Variants in EPC2 observed in about 807,000 individuals in gnomAD.
The protein encoded by EPC2 is enhancer of polycomb 2.
In EPC2, 14 loss-of-function variants were observed where a neutral mutation model predicts 92.1. The ratio of observed to expected loss-of-function variants is 0.15; its 90% CI spans 0.10 to 0.24. The LOEUF is 0.24. EPC2 is among the 10% of genes least tolerant of loss of function. The pLI is 1.00. For synonymous variants in EPC2, 340 were observed against 334.7 expected, an observed-to-expected ratio of 1.02 and a Z score of -0.17; for missense variants, 755 against 971.5, an observed-to-expected ratio of 0.78 and a Z score of 2.96.
intron 12 of EPC2, 54 bp downstream of exon 12, chr2:148,783,810 T>G (rs894970954): frequency 1.3e-6 from 2 of 1,516,982 alleles, no homozygotes; most frequent in Non-Finnish European, 1.8e-6. Context: ...AACTCAGTGA[T>G]TGGGAGTTTG....
At chr2:148,768,566 T>G (rs1683458778) in intron 7 of EPC2, among the ~76,000 whole-genome samples, 1 of 152,232 alleles carries the variant, frequency 6.6e-6, no homozygotes, top group Non-Finnish European at 1.5e-5. Flanking sequence ...AGCAAGTCAT[T>G]TCTCTTCTTC....
chr2:148,698,294 C>G (rs1001705982), intron 2 of EPC2, among the ~76,000 whole-genome samples: 1 of 152,134 alleles, frequency 6.6e-6, no homozygotes, highest in Admixed American at 6.5e-5. Flanking sequence ...CCACCGCCCC[C>G]TCTAAAATTG....
chr2:148,761,966 C>G, intron 5 of EPC2, 36 bp downstream of exon 5: 1 of 1,524,446 alleles, frequency 6.6e-7, no homozygotes, highest in Non-Finnish European at 8.7e-7. Context: ...AAAATGACAA[C>G]TTTACCAAAT....
chr2:148,770,576 T>C lies in EPC2; in HGVS notation c.1231-216T>C, dbSNP rs536017119. Among the ~76,000 whole-genome samples the C allele has an allele frequency of 8.5e-5, 13 of 152,326 alleles. No homozygotes were observed. The South Asian group carries it at 2.7e-3, about 32-fold the overall frequency. On this transcript the variant is annotated intron_variant, in intron 8 of 13. Coordinates refer to ENST00000258484, the MANE Select transcript of EPC2 (RefSeq NM_015630.4). ...AATGAATTTATATTTACAAACTAAA[T>C]TCAGTTTTGGTAATCTTGGTGAGTG... is the stretch of plus-strand genomic sequence containing the variant.
At chr2:148,725,512 A>G (rs931457815) in intron 2 of EPC2, among the ~76,000 whole-genome samples, 2 of 152,114 alleles carry the variant, frequency 1.3e-5, no homozygotes, top group Admixed American at 6.5e-5. Context: ...TTATATAACC[A>G]CAGCATTGTT....
intron 2 of EPC2, among the ~76,000 whole-genome samples, chr2:148,695,128 C>T (rs1681720165): frequency 6.6e-6 from 1 of 152,200 alleles, no homozygotes; most frequent in Admixed American, 6.5e-5. Context: ...GTTTTGAACT[C>T]AGTTAAATAG....
chr2:148,688,509 A>G lies in EPC2; in HGVS notation c.154-1705A>G, dbSNP rs1042546487. 6.6e-5 allele frequency among the ~76,000 whole-genome samples: 10 copies of G among 152,230 alleles called. No individual in the cohort carries two copies. In the Middle Eastern group the frequency reaches 0.01, roughly 155 times the overall value. On this transcript the variant is annotated intron_variant, in intron 1 of 13. Transcript: ENST00000258484. ...GCACACCAACATGGCACATGTATACATATGTAACAAACCTGCACATTGTAC... is the reference window on the plus strand; with the variant it reads ...GCACACCAACATGGCACATGTATACGTATGTAACAAACCTGCACATTGTAC...
chr2:148,749,606 A>G (rs2105412864), intron 3 of EPC2, among the ~76,000 whole-genome samples: 1 of 152,172 alleles, frequency 6.6e-6, no homozygotes, highest in African/African-American at 2.4e-5. Flanking sequence ...TGCACTAGGA[A>G]CAAGTACATT....
At chr2:148,692,152 T>G in intron 2 of EPC2, 1 of 226,940 alleles carries the variant, frequency 4.4e-6, no homozygotes, top group Non-Finnish European at 8.8e-6. Flanking sequence ...TATTTAACAT[T>G]TCCTTGGATG....
At chr2:148,710,542 A>T (rs1457133703) in intron 2 of EPC2, among the ~76,000 whole-genome samples, 1 of 152,228 alleles carries the variant, frequency 6.6e-6, no homozygotes, top group Non-Finnish European at 1.5e-5. Flanking sequence ...ATAAAGACAC[A>T]TGCATACGTA....
intron 2 of EPC2, among the ~76,000 whole-genome samples, chr2:148,735,949 A>G (rs1682744866): frequency 6.6e-6 from 1 of 152,114 alleles, no homozygotes; most frequent in Non-Finnish European, 1.5e-5. Flanking sequence ...TTAATCAGGA[A>G]TCAAGCATTT....
At chr2:148,770,977 G>A (rs1285937120) in intron 9 of EPC2, 40 bp downstream of exon 9, 1 of 1,599,980 alleles carries the variant, frequency 6.3e-7, no homozygotes, top group Non-Finnish European at 8.5e-7. Context: ...TTTGCTATCT[G>A]GAACAGAAGA....
At chr2:148,686,167 T>C (rs1192170612) in intron 1 of EPC2, among the ~76,000 whole-genome samples, 1 of 152,246 alleles carries the variant, frequency 6.6e-6, no homozygotes, top group Admixed American at 6.5e-5. Context: ...TTATCAACTT[T>C]GTATAATGTT....
intron 3 of EPC2, among the ~76,000 whole-genome samples, chr2:148,744,953 G>A (rs972068469): frequency 1.5e-5 from 2 of 137,418 alleles, no homozygotes; most frequent in Non-Finnish European, 3.1e-5. Flanking sequence ...TTTTCCTTTG[G>A]CAAGTGACTT....
intron 2 of EPC2, among the ~76,000 whole-genome samples, chr2:148,711,482 A>G (rs1024836910): frequency 6.6e-6 from 1 of 151,994 alleles, no homozygotes; most frequent in Non-Finnish European, 1.5e-5. Context: ...AAAATTTATT[A>G]TTTTTTTATG....
intron 2 of EPC2, among the ~76,000 whole-genome samples, chr2:148,740,841 G>A (rs999743874): frequency 6.6e-6 from 1 of 152,074 alleles, no homozygotes; most frequent in African/African-American, 2.4e-5. Context: ...TTTATTGACT[G>A]TTTGCTGTTA....
At chr2:148,725,535 C>T (rs1055802538) in intron 2 of EPC2, among the ~76,000 whole-genome samples, 1 of 152,070 alleles carries the variant, frequency 6.6e-6, no homozygotes, top group South Asian at 2.1e-4. Flanking sequence ...CAAAATCAGT[C>T]AGTTGTCATT....
chr2:148,779,425 T>C (rs1051629499), intron 10 of EPC2, among the ~76,000 whole-genome samples: 2 of 151,950 alleles, frequency 1.3e-5, no homozygotes, highest in Non-Finnish European at 2.9e-5. Flanking sequence ...ATACAAAAAA[T>C]TTCTAAAATT....
At chr2:148,688,177 T>C (rs1259136696) in intron 1 of EPC2, among the ~76,000 whole-genome samples, 1 of 152,154 alleles carries the variant, frequency 6.6e-6, no homozygotes, top group African/African-American at 2.4e-5. Flanking sequence ...CCAACAATGA[T>C]AGACTGGATT....
Sources: allele counts gnomAD v4.1 joint callset (sites outside exome capture counted in the v4.1 genomes callset), GRCh38; gene constraint gnomAD v4.1.1; transcripts MANE v1.5; gene names NCBI Gene and HGNC (gene_info 2026-07-23, HGNC 2026-07-21).